FRMD6: variants seen among roughly 807,000 people sequenced by gnomAD.
FRMD6 encodes the protein FERM domain-containing protein 6.
FRMD6 carries 37 observed loss-of-function variants against 73.2 expected under a neutral mutation model. The observed-to-expected ratio is 0.51, with a 90% CI of 0.39 to 0.66. FRMD6 has a LOEUF of 0.66. FRMD6 is among the 30% of genes least tolerant of loss of function. The pLI is 0.00. For synonymous variants in FRMD6, 273 were observed against 282.2 expected (o/e 0.97, Z 0.33); for missense variants, 714 against 780.5 (o/e 0.91, Z 1.02).
intron 2 of FRMD6, among the ~76,000 whole-genome samples, chr14:51,618,386 G>T (rs1318796590): frequency 6.6e-6 from 1 of 152,186 alleles, no homozygotes; most frequent in Non-Finnish European, 1.5e-5. Context: ...AGGAAGTGGA[G>T]ACAAGAGCAC....
At chr14:51,530,107 A>G (rs900432933) in intron 1 of FRMD6, among the ~76,000 whole-genome samples, 26 of 152,244 alleles carry the variant, frequency 1.7e-4, no homozygotes, top group African/African-American at 6.0e-4. Context: ...GTAAATGTTC[A>G]TTACATTCTA....
intron 2 of FRMD6, among the ~76,000 whole-genome samples, chr14:51,627,628 A>C (rs527904126): frequency 1.4e-4 from 21 of 152,272 alleles, no homozygotes; most frequent in Non-Finnish European, 2.4e-4. Context: ...AAGATCAAAC[A>C]AAGCAAGCAC....
At chr14:51,508,907 C>T (rs1884131165) in intron 1 of FRMD6, among the ~76,000 whole-genome samples, 1 of 152,098 alleles carries the variant, frequency 6.6e-6, no homozygotes, top group Admixed American at 6.6e-5. Context: ...TCTTTCCTTC[C>T]CAGACTCCCT....
intron 9 of FRMD6, among the ~76,000 whole-genome samples, chr14:51,712,908 T>G (rs1048896115): frequency 6.6e-6 from 1 of 152,196 alleles, no homozygotes; most frequent in Non-Finnish European, 1.5e-5. Context: ...GAAAGTTACC[T>G]CTCTTGAGCA....
intron 2 of FRMD6, among the ~76,000 whole-genome samples, chr14:51,614,887 T>A (rs1238234106): frequency 6.6e-6 from 1 of 152,162 alleles, no homozygotes; most frequent in Non-Finnish European, 1.5e-5. Context: ...TGCTCACAGG[T>A]GTTTTCTTGT....
chr14:51,523,024 A>C (rs1029953400), intron 1 of FRMD6: 1 of 152,234 alleles, frequency 6.6e-6, no homozygotes, highest in African/African-American at 2.4e-5. Context: ...ATGGAAATAC[A>C]ACAAAATGGA....
At chr14:51,422,925 T>C in the FRMD6 span, among the ~76,000 whole-genome samples, 18 of 152,300 alleles carry the variant, frequency 1.2e-4, no homozygotes, top group South Asian at 1.9e-3. Context: ...CCTTGACCAA[T>C]GAGATGTGAG....
rs760055479 is a variant in FRMD6 at position 51,720,334 on chromosome 14, C to T, written c.1304C>T (p.Thr435Ile). 3.8e-5 allele frequency: 61 copies of T among 1,613,782 alleles called. No homozygotes were observed. The East Asian group carries it at 1.2e-3, about 33-fold the overall frequency. The change falls in exon 11 of 14, where the codon ACC becomes ATC. Residue 435 changes from threonine to isoleucine, a missense_variant. Coordinates refer to ENST00000344768, the MANE Select transcript of FRMD6 (RefSeq NM_001267046.2). ...SSMTSHGSSH[T>I]SGVESGGKDR... ...ATGACCAGTCATGGCAGCTCCCACA[C>T]CTCAGGGGTGGAGAGTGGCGGCAAA...
upstream of FRMD6, chr14:51,649,731 T>C (rs1362957245): frequency 6.6e-6 from 1 of 152,204 alleles, no homozygotes; most frequent in Non-Finnish European, 1.5e-5. Context: ...TATCCAATTT[T>C]TAACTTTAGT....
intron 1 of FRMD6, among the ~76,000 whole-genome samples, chr14:51,502,440 A>G (rs1263178315): frequency 1.3e-5 from 2 of 152,204 alleles, no homozygotes; most frequent in African/African-American, 2.4e-5. Flanking sequence ...TCCCAGCACC[A>G]TTCATTAAAT....
At chr14:51,478,828 A>G in the FRMD6 span, among the ~76,000 whole-genome samples, 8 of 152,234 alleles carry the variant, frequency 5.3e-5, no homozygotes, top group Non-Finnish European at 1.0e-4. Flanking sequence ...AGCCTAAATC[A>G]TAGTCTTTGC....
chr14:51,416,174 T>TTAC, the FRMD6 span, among the ~76,000 whole-genome samples: 2 of 152,232 alleles, frequency 1.3e-5, no homozygotes, highest in Non-Finnish European at 2.9e-5. Context: ...CTGATCTTAG[T>TTAC]TATTTCTTGC....
the FRMD6 span, among the ~76,000 whole-genome samples, chr14:51,441,441 T>C: frequency 3.3e-5 from 5 of 152,354 alleles, no homozygotes; most frequent in South Asian, 1.0e-3. Flanking sequence ...CCTCAGAAAC[T>C]GAGGTTGAGA....
At chr14:51,398,329 A>T in the FRMD6 span, among the ~76,000 whole-genome samples, 1 of 151,884 alleles carries the variant, frequency 6.6e-6, no homozygotes, top group African/African-American at 2.4e-5. Context: ...AGGAGGCTGT[A>T]TTCATTTCGG....
At chr14:51,507,627 C>T (rs964201825) in intron 1 of FRMD6, among the ~76,000 whole-genome samples, 8 of 152,120 alleles carry the variant, frequency 5.3e-5, no homozygotes, top group South Asian at 2.1e-4. Context: ...GCTTCTGAAG[C>T]GGAGGACCTC....
At chr14:51,627,660 C>T (rs1891169108) in intron 2 of FRMD6, among the ~76,000 whole-genome samples, 2 of 152,322 alleles carry the variant, frequency 1.3e-5, no homozygotes, top group South Asian at 4.1e-4. Context: ...ATTCCTGATG[C>T]TTGAGAACAG....
intron 1 of FRMD6, among the ~76,000 whole-genome samples, chr14:51,548,295 A>G (rs964822144): frequency 2.6e-5 from 4 of 152,244 alleles, no homozygotes; most frequent in African/African-American, 4.8e-5. Flanking sequence ...ATGTAAACAT[A>G]TCTGGCATTT....
chr14:51,415,581 T>C, the FRMD6 span, among the ~76,000 whole-genome samples: 1,980 of 152,264 alleles, frequency 0.013, 42 homozygotes, highest in African/African-American at 0.045. Context: ...ATTTTTGCAT[T>C]GATGTTCATC....
rs550273049 is a variant in FRMD6, at chr14:51,679,651, T to G, written c.-146-10040T>G. On this transcript the variant is annotated intron_variant, in intron 1 of 13. Transcript: ENST00000344768. ...ACTAATATTACTTAAGTGAAAGATCTTTTAATTTCCCTTGAGATATTATTG... is the reference window on the plus strand; with the variant it reads ...ACTAATATTACTTAAGTGAAAGATCGTTTAATTTCCCTTGAGATATTATTG... Among the ~76,000 whole-genome samples, 5 of 151,922 alleles carry G rather than the reference T, an allele frequency of 3.3e-5. No homozygotes were observed. The East Asian group carries it at 7.7e-4, about 23-fold the overall frequency.
Sources: allele counts gnomAD v4.1 joint callset (sites outside exome capture counted in the v4.1 genomes callset), GRCh38; gene constraint gnomAD v4.1.1; transcripts MANE v1.5; gene names NCBI Gene and HGNC (gene_info 2026-07-23, HGNC 2026-07-21).